Variants in ADD2 observed in about 807,000 individuals in gnomAD.
ADD2 encodes the protein beta-adducin.
Under a neutral mutation model 83.0 loss-of-function variants are expected in ADD2, and 23 were observed. That is an observed-to-expected ratio of 0.28 (90% confidence interval 0.20 to 0.39). The LOEUF (loss-of-function observed/expected upper bound fraction) is 0.39. Ranked by LOEUF, ADD2 falls within the 10% of genes least tolerant of loss-of-function variation. The pLI, the probability that ADD2 is intolerant of heterozygous loss-of-function variation, is 1.00. For synonymous variants in ADD2, 375 were observed against 375.4 expected, an observed-to-expected ratio of 1.00 and a Z score of 0.01; for missense variants, 758 against 944.9, an observed-to-expected ratio of 0.80 and a Z score of 2.59.
At chr2:70,699,498 G>T (rs1671478925) in intron 4 of ADD2, among the ~76,000 whole-genome samples, 1 of 152,162 alleles carries the variant, frequency 6.6e-6, no homozygotes, top group African/African-American at 2.4e-5. Context: ...AATAAAAACA[G>T]GCCAGGCACA....
At chr2:70,663,890 TG>T (rs1174895079) in intron 15 of ADD2, among the ~76,000 whole-genome samples, 155 bp from the exon 16 acceptor site, 1 of 152,070 alleles carries the variant, frequency 6.6e-6, no homozygotes, top group East Asian at 1.9e-4. Flanking sequence ...CAGAGACAGA[TG>T]GAAGGACTGG....
At chr2:70,760,500 T>A (rs1675027162) in intron 1 of ADD2, 2 of 152,318 alleles carry the variant, frequency 1.3e-5, no homozygotes, top group South Asian at 4.1e-4. Context: ...ATACAAATGG[T>A]ACAGTTCTAA....
chr2:70,666,223 G>C (rs1424766377), intron 15 of ADD2, among the ~76,000 whole-genome samples: 1 of 152,236 alleles, frequency 6.6e-6, no homozygotes, highest in Non-Finnish European at 1.5e-5. Flanking sequence ...CTCAGAAAAG[G>C]TCTGTGGAAT....
At position 70,763,299 on chromosome 2, in the gene ADD2, G is replaced by A. The variant is rs72903849; in HGVS notation, c.-154+4587C>T. On this transcript the variant is annotated intron_variant, in intron 1 of 15. Coordinates refer to ENST00000264436, the MANE Select transcript of ADD2 (RefSeq NM_001617.4). ...AGATTTGGTGGTGGTTGTCATTGAA[G>A]ACAGGCAGTTTTTCATATTATTGCT... Among the ~76,000 whole-genome samples, 80 of 152,060 alleles carry A rather than the reference G, an allele frequency of 5.3e-4. 3 individuals carry two copies. Among genetic ancestry groups the A allele is most frequent in the African/African-American group, 1.9e-3 (79 of 41,338 alleles).
At chr2:70,673,388 TG>T (rs782512549) in intron 14 of ADD2, 1 of 1,461,600 alleles carries the variant, frequency 6.8e-7, no homozygotes, top group Admixed American at 1.7e-5. Context: ...GGGTAAGAGG[TG>T]GACCCACAAC....
At chr2:70,684,806 A>T (rs548533574) in intron 9 of ADD2, among the ~76,000 whole-genome samples, 11 of 152,212 alleles carry the variant, frequency 7.2e-5, no homozygotes, top group Non-Finnish European at 1.5e-4. Flanking sequence ...CTCCATGGGG[A>T]GGGCAATGCA....
At position 70,713,044 on chromosome 2, in the gene ADD2, C is replaced by G. The variant is rs570052600; in HGVS notation, c.-35+22G>C. On this transcript the variant is annotated intron_variant, in intron 2 of 15. Coordinates refer to ENST00000264436, the MANE Select transcript of ADD2 (RefSeq NM_001617.4). ...AAAGTGTGCATCACCCCCGTCACCA[C>G]CAGAAACTACTGCTTACTTACCGGG... 83 of 974,794 alleles carry G rather than the reference C, an allele frequency of 8.5e-5. No homozygotes were observed. In the East Asian group the frequency reaches 8.6e-3, roughly 101 times the overall value. The allele number at this position is 974,794 out of a possible 1,614,324, so 60.4% of individuals were successfully genotyped here. A position where few individuals can be genotyped will look rare whatever the true frequency, so the allele number is the denominator to read the frequency against.
intron 3 of ADD2, among the ~76,000 whole-genome samples, chr2:70,705,327 GCACCATGGCTCCCAGCCAGGGTCT>G (rs1671830525): frequency 6.6e-6 from 1 of 152,194 alleles, no homozygotes; most frequent in African/African-American, 2.4e-5. Context: ...GCCTGAGTAT[GCACCATGGCTCCCAGCCAGGGTCT>G]CACACAGCCC....
chr2:70,684,886 T>C (rs1377748833), intron 9 of ADD2, among the ~76,000 whole-genome samples: 1 of 152,228 alleles, frequency 6.6e-6, no homozygotes, highest in Admixed American at 6.5e-5. Context: ...AATTTTGGAA[T>C]GATCCTAAAA....
At chr2:70,697,874 G>A (rs888319062) in intron 4 of ADD2, among the ~76,000 whole-genome samples, 2 of 152,326 alleles carry the variant, frequency 1.3e-5, no homozygotes, top group Non-Finnish European at 2.9e-5. Context: ...GTCAGGAAAC[G>A]CACACAAGGG....
In ADD2 at chr2:70,690,757, G is replaced by A. The variant is rs1156749338; in HGVS notation, c.849+29C>T. 2.5e-6 allele frequency: 4 copies of A among 1,598,782 alleles called. No individual in the cohort carries two copies. In the African/African-American group the frequency reaches 4.0e-5, roughly 16 times the overall value. ...GTTGGCTTTTGACAATGCCACTCTA[G>A]ATTATTGTCCCAGAAGAGCTAAGCT... On this transcript the variant is annotated intron_variant, in intron 8 of 15. Transcript: ENST00000264436.
At chr2:70,666,844 G>A (rs1042137148) in intron 15 of ADD2, among the ~76,000 whole-genome samples, 1 of 152,204 alleles carries the variant, frequency 6.6e-6, no homozygotes, top group Admixed American at 6.5e-5. Flanking sequence ...GATTCAGAGA[G>A]GTTCCACATC....
chr2:70,697,803 C>T (rs989527764), intron 4 of ADD2, among the ~76,000 whole-genome samples: 33 of 152,106 alleles, frequency 2.2e-4, no homozygotes, highest in Admixed American at 1.8e-3. Context: ...CTACAAAAAG[C>T]GAGGGCAGAC....
intron 15 of ADD2, among the ~76,000 whole-genome samples, chr2:70,665,979 C>A (rs1217711202): frequency 6.6e-6 from 1 of 152,130 alleles, no homozygotes; most frequent in Non-Finnish European, 1.5e-5. Context: ...CCAAGCCCAG[C>A]TAATTTTTGT....
chr2:70,748,715 T>C (rs556108070), intron 1 of ADD2, among the ~76,000 whole-genome samples: 2 of 152,352 alleles, frequency 1.3e-5, no homozygotes, highest in South Asian at 2.1e-4. Flanking sequence ...GAAGAAAGCA[T>C]TGCTTCTACA....
intron 1 of ADD2, among the ~76,000 whole-genome samples, chr2:70,763,250 C>T (rs1373088242): frequency 6.6e-6 from 1 of 151,950 alleles, no homozygotes; most frequent in Non-Finnish European, 1.5e-5. Context: ...GCCTGCCATT[C>T]CATGAGTGCT....
At position 70,683,638 on chromosome 2, in the gene ADD2, G is replaced by A; in HGVS notation, c.1078C>T (p.Leu360=). ...AGGGCCTCAAACTCATGCTCCCCCA[G>A]CCGACTCTTCTGCATAGGCCCAAAG... ...STFGPMQKSR[L]GEHEFEALMR... Residue 360 remains leucine (L), a synonymous_variant, in exon 10 of 16, where the codon CTG becomes TTG. Coordinates refer to ENST00000264436, the MANE Select transcript of ADD2 (RefSeq NM_001617.4). 1 of 1,613,990 alleles carries A rather than the reference G, an allele frequency of 6.2e-7. No individual in the cohort carries two copies. Among genetic ancestry groups the A allele is most frequent in the Non-Finnish European group, 8.5e-7 (1 of 1,179,904 alleles).
intron 15 of ADD2, among the ~76,000 whole-genome samples, chr2:70,667,294 A>T (rs10164951): frequency 0.49 from 73,940 of 151,734 alleles, 19,632 homozygotes; most frequent in African/African-American, 0.72. Context: ...ACAGGAGGCA[A>T]TGGGAGAACA....
intron 3 of ADD2, among the ~76,000 whole-genome samples, chr2:70,704,700 G>A (rs1218009834): frequency 6.6e-6 from 1 of 152,192 alleles, no homozygotes; most frequent in African/African-American, 2.4e-5. Context: ...CAGTAATCCA[G>A]ATTCCAGGTC....
Sources: gnomAD v4.1 joint callset for allele counts (sites outside exome capture counted in the v4.1 genomes callset) on GRCh38, gnomAD v4.1.1 for gene constraint, MANE v1.5 for transcripts, NCBI Gene and HGNC (gene_info 2026-07-23, HGNC 2026-07-21) for gene names.